Variants in COLGALT2 observed in about 807,000 individuals in gnomAD.
COLGALT2 encodes the protein procollagen galactosyltransferase 2.
COLGALT2 carries 49 observed loss-of-function variants against 73.4 expected under a neutral mutation model. The ratio of observed to expected loss-of-function variants is 0.67; its 90% CI spans 0.53 to 0.85. The LOEUF (loss-of-function observed/expected upper bound fraction) is 0.85. Ranked by LOEUF, COLGALT2 falls within the 40% of genes least tolerant of loss-of-function variation. The pLI, the probability that COLGALT2 is intolerant of heterozygous loss-of-function variation, is 0.00. For missense variants in COLGALT2, 722 were observed against 790.2 expected (o/e 0.91, Z 1.03); for synonymous variants, 295 against 307.6 (o/e 0.96, Z 0.43).
intron 7 of COLGALT2, among the ~76,000 whole-genome samples, chr1:183,953,792 T>C (rs1168721052): frequency 6.6e-6 from 1 of 152,232 alleles, no homozygotes; most frequent in Non-Finnish European, 1.5e-5. Context: ...TCCTGAAGTA[T>C]AGCTCCAAAT....
chr1:183,945,840 A>C, intron 8 of COLGALT2: 3 of 420,468 alleles, frequency 7.1e-6, no homozygotes, highest in South Asian at 7.7e-5. Context: ...TAATAAGTAC[A>C]CTCCTATGGA....
intron 1 of COLGALT2, among the ~76,000 whole-genome samples, chr1:183,982,445 G>A (rs1317090753): frequency 6.6e-6 from 1 of 152,122 alleles, no homozygotes; most frequent in Admixed American, 6.6e-5. Context: ...TCTAACCACT[G>A]GTCTCGTGAT....
chr1:183,978,376 T>A (rs199722138), intron 2 of COLGALT2, 34 bp downstream of exon 2: 2 of 1,185,182 alleles, frequency 1.7e-6, no homozygotes, highest in East Asian at 2.3e-5. Flanking sequence ...GAAGGGTAAA[T>A]AATGAGTTTA....
chr1:184,033,827 G>T (rs1321423810), intron 1 of COLGALT2, among the ~76,000 whole-genome samples: 1 of 152,224 alleles, frequency 6.6e-6, no homozygotes. Flanking sequence ...GTGGATGAAT[G>T]AGAAGAGTGA....
chr1:183,985,838 G>A (rs1671473007), intron 1 of COLGALT2, among the ~76,000 whole-genome samples: 1 of 152,166 alleles, frequency 6.6e-6, no homozygotes, highest in Non-Finnish European at 1.5e-5. Context: ...TCCTCACCAT[G>A]ACTAGTGAGT....
intron 4 of COLGALT2, among the ~76,000 whole-genome samples, chr1:183,972,763 G>A (rs939248025): frequency 2.0e-5 from 3 of 151,450 alleles, no homozygotes; most frequent in Non-Finnish European, 2.9e-5. Context: ...GCAGTGGCGC[G>A]ACCTCGGCTC....
At chr1:184,008,213 A>G (rs1468184751) in intron 1 of COLGALT2, among the ~76,000 whole-genome samples, 2 of 152,232 alleles carry the variant, frequency 1.3e-5, no homozygotes, top group Non-Finnish European at 2.9e-5. Flanking sequence ...ACATTGGAGA[A>G]GCAGTGGAAT....
intron 6 of COLGALT2, among the ~76,000 whole-genome samples, chr1:183,957,847 T>C (rs1057120861): frequency 2.7e-5 from 4 of 148,728 alleles, no homozygotes; most frequent in Non-Finnish European, 4.4e-5. Flanking sequence ...TTGTCCAAGG[T>C]CAAATACTGA....
At chr1:184,006,326 T>C (rs2102843202) in intron 1 of COLGALT2, among the ~76,000 whole-genome samples, 1 of 152,332 alleles carries the variant, frequency 6.6e-6, no homozygotes, top group South Asian at 2.1e-4. Context: ...GGCTCAGGCC[T>C]GTAATCCCAG....
At chr1:184,012,982 A>G (rs1648859791) in intron 1 of COLGALT2, among the ~76,000 whole-genome samples, 1 of 152,270 alleles carries the variant, frequency 6.6e-6, no homozygotes, top group Non-Finnish European at 1.5e-5. Context: ...CCTAGGGGGC[A>G]GATCCAAAAA....
chr1:183,940,455 A>G, intron 11 of COLGALT2, 126 bp downstream of exon 11: 1 of 883,114 alleles, frequency 1.1e-6, no homozygotes, highest in Non-Finnish European at 1.8e-6. Context: ...TCTTAATCAT[A>G]ATTATGAGAA....
At chr1:183,957,777 G>GT (rs1670592511) in intron 6 of COLGALT2, among the ~76,000 whole-genome samples, 1 of 119,556 alleles carries the variant, frequency 8.4e-6, no homozygotes, top group African/African-American at 3.4e-5. Flanking sequence ...TTTTTGTGGT[G>GT]GTTTTTTTTT....
intron 11 of COLGALT2, 105 bp downstream of exon 11, chr1:183,940,476 G>A: frequency 9.9e-7 from 1 of 1,015,064 alleles, no homozygotes; most frequent in Non-Finnish European, 1.5e-6. Context: ...GATCATTTAG[G>A]AAAGCAGTAC....
At chr1:184,021,524 C>T (rs1292349696) in intron 1 of COLGALT2, among the ~76,000 whole-genome samples, 1 of 152,102 alleles carries the variant, frequency 6.6e-6, no homozygotes. Context: ...CTTTCTTGCC[C>T]TACCACCATA....
At chr1:184,003,408 C>T (rs989892292) in intron 1 of COLGALT2, among the ~76,000 whole-genome samples, 2 of 152,150 alleles carry the variant, frequency 1.3e-5, no homozygotes, top group African/African-American at 4.8e-5. Flanking sequence ...GCTCTACTAC[C>T]GAGTAGATGA....
intron 2 of COLGALT2, among the ~76,000 whole-genome samples, chr1:183,976,940 C>T (rs1228562304): frequency 1.3e-5 from 2 of 152,136 alleles, no homozygotes; most frequent in African/African-American, 2.4e-5. Context: ...AGGACCTGCA[C>T]AAGCAACAGT....
chr1:183,944,441 A>C, intron 9 of COLGALT2, 118 bp from the exon 10 acceptor site: 1 of 1,109,150 alleles, frequency 9.0e-7, no homozygotes, highest in Non-Finnish European at 1.3e-6. Flanking sequence ...CTGGAATCTA[A>C]GCAAATGGCC....
chr1:184,037,114 TG>T lies in COLGALT2; in HGVS notation c.243del (p.Lys82ArgfsTer25). 1.3e-6 allele frequency: 2 copies of T among 1,592,954 alleles called. No homozygotes were observed. The highest frequency in any genetic ancestry group is 1.7e-6 in the Non-Finnish European group (2 of 1,172,258). On this transcript the variant is annotated frameshift_variant, in exon 1 of 12. Transcript: ENST00000361927. LOFTEE classifies it high-confidence loss of function. ...GCTCACCAGATGGCCATCCTGCTCTTGGGGTAGTCCAGCCGCTCCAGGCAGC... is the reference window on the plus strand; with the variant it reads ...GCTCACCAGATGGCCATCCTGCTCTTGGGTAGTCCAGCCGCTCCAGGCAGC... ...FLGCLERLDY[P>X]KSRMAIWAAT... is the part of the protein sequence containing the mutation.
chr1:184,009,458 AG>A (rs1420758962), intron 1 of COLGALT2, among the ~76,000 whole-genome samples: 1 of 152,190 alleles, frequency 6.6e-6, no homozygotes, highest in Non-Finnish European at 1.5e-5. Flanking sequence ...TATGCCAGAA[AG>A]CTCCTAAATC....
Sources: allele counts gnomAD v4.1 joint callset (sites outside exome capture counted in the v4.1 genomes callset), GRCh38; gene constraint gnomAD v4.1.1; transcripts MANE v1.5; gene names NCBI Gene and HGNC (gene_info 2026-07-23, HGNC 2026-07-21).